Variants in ARHGAP6 observed in about 807,000 individuals in gnomAD.
ARHGAP6 encodes Rho GTPase activating protein 6, also known as rho GTPase-activating protein 6.
In ARHGAP6, 16 loss-of-function variants were observed where a neutral mutation model predicts 55.7. The observed-to-expected ratio is 0.29, with a 90% confidence interval of 0.19 to 0.44. The LOEUF is 0.44. ARHGAP6 is among the 20% of genes least tolerant of loss of function. The pLI, the probability that ARHGAP6 is intolerant of heterozygous loss-of-function variation, is 1.00. For synonymous variants in ARHGAP6, 382 were observed against 360.9 expected (o/e 1.06, Z -0.66); for missense variants, 698 against 808.9 (o/e 0.86, Z 1.66).
At chrX:11,527,011 AGTGT>A (rs59668043) in intron 1 of ARHGAP6, among the ~76,000 whole-genome samples, 5,324 of 80,949 alleles carry the variant, frequency 0.066, 238 homozygotes, top group African/African-American at 0.14. Flanking sequence ...TAATATGAGG[AGTGT>A]GTGTGTGTGT....
chrX:11,661,675 G>A (rs1348126595), intron 1 of ARHGAP6, among the ~76,000 whole-genome samples: 1 of 112,491 alleles, frequency 8.9e-6, no homozygotes, highest in Non-Finnish European at 1.9e-5. Flanking sequence ...TGAACAGACT[G>A]TAAGGGGTAC....
intron 1 of ARHGAP6, among the ~76,000 whole-genome samples, chrX:11,292,462 C>T (rs2048011456): frequency 9.0e-6 from 1 of 111,280 alleles, no homozygotes; most frequent in African/African-American, 3.3e-5. Context: ...AAAGGGGAGG[C>T]TGCTGAGAAC....
At chrX:11,561,046 AT>A (rs774450942) in intron 1 of ARHGAP6, among the ~76,000 whole-genome samples, 10 of 111,976 alleles carry the variant, frequency 8.9e-5, no homozygotes, top group African/African-American at 2.6e-4. Context: ...CGTATAGTTT[AT>A]GGCTGTTATT....
chrX:11,204,573 T>A (rs1926575455), intron 2 of ARHGAP6, among the ~76,000 whole-genome samples: 1 of 111,788 alleles, frequency 8.9e-6, no homozygotes, highest in Admixed American at 9.5e-5. Context: ...TAAACACATA[T>A]CTGTTTGAGG....
At chrX:11,599,450 T>C (rs890229962) in intron 1 of ARHGAP6, among the ~76,000 whole-genome samples, 1 of 112,392 alleles carries the variant, frequency 8.9e-6, no homozygotes, top group Non-Finnish European at 1.9e-5. Context: ...TATAATTTTT[T>C]ATGGTAACAA....
At chrX:11,501,695 CG>C (rs1402862467) in intron 1 of ARHGAP6, among the ~76,000 whole-genome samples, 5 of 110,988 alleles carry the variant, frequency 4.5e-5, no homozygotes, top group African/African-American at 1.3e-4. Flanking sequence ...TATTATATAC[CG>C]TATTCTTACA....
At chrX:11,358,431 A>ATCTTTCTT (rs546950014) in intron 1 of ARHGAP6, among the ~76,000 whole-genome samples, 4,343 of 72,370 alleles carry the variant, frequency 0.06, 187 homozygotes, top group Middle Eastern at 0.12. Context: ...TTTTAACTGT[A>ATCTTTCTT]TCTTTCTTTC....
At chrX:11,207,755 G>C (rs1305060984) in intron 2 of ARHGAP6, among the ~76,000 whole-genome samples, 4 of 112,198 alleles carry the variant, frequency 3.6e-5, no homozygotes, top group African/African-American at 1.3e-4. Context: ...TATAGACAAA[G>C]TAAGGAAATA....
At chrX:11,377,179 T>A (rs2049211409) in intron 1 of ARHGAP6, among the ~76,000 whole-genome samples, 1 of 112,030 alleles carries the variant, frequency 8.9e-6, no homozygotes, top group Admixed American at 9.5e-5. Context: ...CCCAGAAAGG[T>A]AAGCTCTTTT....
chrX:11,614,460 G>T (rs1267895579), intron 1 of ARHGAP6, among the ~76,000 whole-genome samples: 1 of 111,373 alleles, frequency 9.0e-6, no homozygotes, highest in Non-Finnish European at 1.9e-5. Context: ...GAGAACCAAG[G>T]GGGGAACTGC....
chrX:11,151,730 G>C (rs1022948873), intron 10 of ARHGAP6, among the ~76,000 whole-genome samples: 1 of 111,999 alleles, frequency 8.9e-6, no homozygotes, highest in African/African-American at 3.2e-5. Context: ...ATATTTTCTT[G>C]TTCTTGGTTT....
At position 11,227,257 on chromosome X, in the gene ARHGAP6, G is replaced by C. The variant is rs776607692; in HGVS notation, c.748+27291C>G. On this transcript the variant is annotated intron_variant, in intron 2 of 12. Transcript: ENST00000337414. Reference sequence around the variant, plus strand: ...TCAGAAACTATTTATTAATTGGTATGAACATTAAACTAGAAAAGTTATCCT... The same window carrying C: ...TCAGAAACTATTTATTAATTGGTATCAACATTAAACTAGAAAAGTTATCCT... Among the ~76,000 whole-genome samples, 11 of 111,965 alleles carry C rather than the reference G, an allele frequency of 9.8e-5. 1 individual carries two copies. The South Asian group carries it at 3.8e-3, about 39-fold the overall frequency.
chrX:11,654,484 C>T (rs755074664), intron 1 of ARHGAP6, among the ~76,000 whole-genome samples: 2 of 111,863 alleles, frequency 1.8e-5, no homozygotes, highest in East Asian at 2.8e-4. Flanking sequence ...GCATATCATT[C>T]GATAGGTGGT....
In ARHGAP6 at chrX:11,224,459, A is replaced by T. The variant is rs748643309; in HGVS notation, c.749-27463T>A. 4 of 356,390 alleles carry T rather than the reference A, an allele frequency of 1.1e-5. No individual in the cohort carries two copies. In the South Asian group the frequency reaches 5.0e-4, roughly 44 times the overall value. The allele number at this position is 356,390 out of a possible 1,213,427, so 29.4% of individuals were successfully genotyped here. A position where few individuals can be genotyped will look rare whatever the true frequency, so the allele number is the denominator to read the frequency against. On this transcript the variant is annotated intron_variant, in intron 2 of 12. Coordinates refer to ENST00000337414, the MANE Select transcript of ARHGAP6 (RefSeq NM_013427.3). Reference sequence around the variant, plus strand: ...ATGAACCCAGAGAGCGGGGCCCATTAGTGGACTCATGGACTAGGGGAATAT... The same window carrying T: ...ATGAACCCAGAGAGCGGGGCCCATTTGTGGACTCATGGACTAGGGGAATAT...
At chrX:11,229,481 G>A (rs926240196) in intron 2 of ARHGAP6, among the ~76,000 whole-genome samples, 1 of 111,884 alleles carries the variant, frequency 8.9e-6, no homozygotes, top group Admixed American at 9.5e-5. Context: ...CTATGGCAAG[G>A]TAAATTATGT....
At chrX:11,283,265 A>G (rs907625366) in intron 1 of ARHGAP6, among the ~76,000 whole-genome samples, 1 of 111,773 alleles carries the variant, frequency 8.9e-6, no homozygotes, top group African/African-American at 3.3e-5. Flanking sequence ...GGCACTGAGG[A>G]GATGGAGAAT....
rs2051812053 is a variant in ARHGAP6, at chrX:11,590,865, A to AGAAAAGAAAAGAAAAGAAG, written c.588+73375_588+73376insCTTCTTTTCTTTTCTTTTC. On this transcript the variant is annotated intron_variant, in intron 1 of 12. Transcript: ENST00000337414. ...AGAAAAGAAAAGAAAAGAAAAGAAAAGAAGGAAAGAAAGAAAGAAAGAAAG... is the reference window on the plus strand; with the variant it reads ...AGAAAAGAAAAGAAAAGAAAAGAAAAGAAAAGAAAAGAAAAGAAGGAAGGAAAGAAAGAAAGAAAGAAAG... Among the ~76,000 whole-genome samples, 2 of 52,856 alleles carry AGAAAAGAAAAGAAAAGAAG rather than the reference A, an allele frequency of 3.8e-5. 1 individual carries two copies. The highest frequency in any genetic ancestry group is 7.0e-5 in the Non-Finnish European group (2 of 28,410). The allele number at this position is 52,856 out of a possible 115,157, so 45.9% of individuals were successfully genotyped here.
chrX:11,375,808 GA>G (rs1479112736), intron 1 of ARHGAP6, among the ~76,000 whole-genome samples: 4 of 112,171 alleles, frequency 3.6e-5, no homozygotes, highest in South Asian at 3.7e-4. Context: ...AGGAAGCTAA[GA>G]AGGACAGAAA....
chrX:11,355,642 G>T (rs183185777), intron 1 of ARHGAP6, among the ~76,000 whole-genome samples: 1 of 112,136 alleles, frequency 8.9e-6, no homozygotes, highest in African/African-American at 3.2e-5. Context: ...AAAGGTTCAT[G>T]CAGATAACCA....
Sources: allele counts gnomAD v4.1 joint callset (sites outside exome capture counted in the v4.1 genomes callset), GRCh38; gene constraint gnomAD v4.1.1; transcripts MANE v1.5; gene names NCBI Gene and HGNC (gene_info 2026-07-23, HGNC 2026-07-21).